EPS15L1: variants seen among roughly 807,000 people sequenced by gnomAD.
EPS15L1 encodes the protein epidermal growth factor receptor substrate 15-like 1.
In EPS15L1, 43 loss-of-function variants were observed where a neutral mutation model predicts 117.1. That is an observed-to-expected ratio of 0.37 (90% confidence interval 0.29 to 0.47). The LOEUF (loss-of-function observed/expected upper bound fraction) is 0.47. Among genes scored for constraint, EPS15L1 ranks in the 20% least tolerant of loss-of-function variants. The pLI, the probability that EPS15L1 is intolerant of heterozygous loss-of-function variation, is 0.99. For missense variants in EPS15L1, 981 were observed against 1,164.0 expected (o/e 0.84, Z 2.29); for synonymous variants, 459 against 470.5 (o/e 0.98, Z 0.32).
intron 1 of EPS15L1, among the ~76,000 whole-genome samples, chr19:16,456,323 A>G (rs968277329): frequency 1.1e-4 from 16 of 152,242 alleles, no homozygotes; most frequent in African/African-American, 3.9e-4. Flanking sequence ...AACTCGTGCT[A>G]AGAGGCAGCA....
chr19:16,372,417 A>G (rs919125822), intron 22 of EPS15L1, among the ~76,000 whole-genome samples: 2 of 152,220 alleles, frequency 1.3e-5, no homozygotes, highest in African/African-American at 4.8e-5. Flanking sequence ...AACACAAGAG[A>G]TGGCACCAAA....
chr19:16,408,445 G>A (rs2092677535), intron 13 of EPS15L1, among the ~76,000 whole-genome samples: 1 of 150,044 alleles, frequency 6.7e-6, no homozygotes, highest in African/African-American at 2.5e-5. Flanking sequence ...CTAACATGGT[G>A]AAACCCAGTA....
intron 9 of EPS15L1, among the ~76,000 whole-genome samples, chr19:16,421,677 T>C (rs2092815194): frequency 6.6e-6 from 1 of 152,166 alleles, no homozygotes; most frequent in Admixed American, 6.5e-5. Context: ...AGGCTGGCTC[T>C]GTGAAGCTCA....
At chr19:16,441,511 C>G (rs1479920096) in intron 3 of EPS15L1, 1 of 169,798 alleles carries the variant, frequency 5.9e-6, no homozygotes, top group Admixed American at 6.0e-5. Context: ...TGCCTGTAAT[C>G]CCAGCTATTC....
chr19:16,461,577 G>A (rs568677533), intron 1 of EPS15L1, among the ~76,000 whole-genome samples: 66 of 152,040 alleles, frequency 4.3e-4, no homozygotes, highest in African/African-American at 1.5e-3. Flanking sequence ...AGCTGAGATC[G>A]CGCCACTGCA....
At chr19:16,451,663 A>G (rs990574277) in intron 1 of EPS15L1, among the ~76,000 whole-genome samples, 1 of 151,514 alleles carries the variant, frequency 6.6e-6, no homozygotes, top group Admixed American at 6.6e-5. Context: ...CAAGTAGCTG[A>G]GACTACAGGT....
chr19:16,403,838 T>G lies in EPS15L1; in HGVS notation c.1521A>C (p.Arg507=). Residue 507 remains arginine (R), a synonymous_variant, in exon 15 of 24, where the codon CGA becomes CGC. Coordinates refer to ENST00000455140, the MANE Select transcript of EPS15L1 (RefSeq NM_001258374.3). ...CCAGCTGGGTTTCCTCCTGCTGCAA[T>G]CGGTTCAGCTCCGACTTGGCTCGGT... ...DLNRAKSELN[R]LQQEETQLEQ... 6.2e-7 allele frequency: 1 copy of G among 1,614,160 alleles called. No homozygotes were observed. The highest frequency in any genetic ancestry group is 8.5e-7 in the Non-Finnish European group (1 of 1,180,014).
chr19:16,437,388 A>G (rs2092988832), intron 5 of EPS15L1, among the ~76,000 whole-genome samples: 1 of 152,226 alleles, frequency 6.6e-6, no homozygotes, highest in Non-Finnish European at 1.5e-5. Flanking sequence ...GGCCAGACAC[A>G]AAAGACCATG....
At chr19:16,378,319 T>A (rs2092321553) in intron 21 of EPS15L1, among the ~76,000 whole-genome samples, 1 of 151,790 alleles carries the variant, frequency 6.6e-6, no homozygotes, top group African/African-American at 2.4e-5. Context: ...AAGTCACCCC[T>A]CCCCTCACAA....
rs1011651549 is a variant in EPS15L1, at chr19:16,405,386, G to C, written c.1267-637C>G. ...TGGTGGGGAGCCCGGTGGGATGTGT[G>C]AGTGTGGGAGGCGGGACATCATGAT... On this transcript the variant is annotated intron_variant, in intron 13 of 23. Coordinates refer to ENST00000455140, the MANE Select transcript of EPS15L1 (RefSeq NM_001258374.3). The surrounding 1 kb of genome is among the most constrained non-coding windows in gnomAD (Gnocchi z 4.0). Among the ~76,000 whole-genome samples, 3 of 152,170 alleles carry C rather than the reference G, an allele frequency of 2.0e-5. No individual in the cohort carries two copies. The highest frequency in any genetic ancestry group is 6.5e-5 in the Admixed American group (1 of 15,280).
chr19:16,370,287 T>TG lies in EPS15L1; in HGVS notation c.2380+6834dup, dbSNP rs1465005105. On this transcript the variant is annotated intron_variant, in intron 22 of 23. Transcript: ENST00000455140. This position sits in a 1 kb window ranked among gnomAD's most constrained non-coding sequence, Gnocchi z 5.2. ...GACTCAGGGCTTTGAATAGGAGAGA[T>TG]GAAAGATGAGGGGCCATGTTCACCC... Among the ~76,000 whole-genome samples, 1 of 151,822 alleles carries TG rather than the reference T, an allele frequency of 6.6e-6. No homozygotes were observed. Among genetic ancestry groups the TG allele is most frequent in the Non-Finnish European group, 1.5e-5 (1 of 67,940 alleles).
At chr19:16,442,324 T>C in intron 1 of EPS15L1, 105 bp from the exon 2 acceptor site, 3 of 808,730 alleles carry the variant, frequency 3.7e-6, no homozygotes, top group South Asian at 1.5e-5. Context: ...TGATGATAGT[T>C]AGAGTCAAAA....
chr19:16,427,561 C>T (rs866870114), intron 8 of EPS15L1, among the ~76,000 whole-genome samples: 2 of 152,166 alleles, frequency 1.3e-5, no homozygotes, highest in South Asian at 2.1e-4. Context: ...AACTTTCCTA[C>T]ATACAAAGAA....
At chr19:16,377,038 T>A (rs2144700433) in intron 22 of EPS15L1, 84 bp downstream of exon 22, 1 of 1,484,816 alleles carries the variant, frequency 6.7e-7, no homozygotes, top group Non-Finnish European at 9.0e-7. Flanking sequence ...CTGCTGCTAC[T>A]CTGGGCTGGT....
intron 21 of EPS15L1, among the ~76,000 whole-genome samples, chr19:16,378,321 C>G (rs2092321613): frequency 6.6e-6 from 1 of 152,110 alleles, no homozygotes; most frequent in African/African-American, 2.4e-5. Context: ...GTCACCCCTC[C>G]CCTCACAATG....
chr19:16,426,377 G>A (rs1486475478), intron 8 of EPS15L1, among the ~76,000 whole-genome samples: 1 of 152,204 alleles, frequency 6.6e-6, no homozygotes, highest in Non-Finnish European at 1.5e-5. Flanking sequence ...GCTCATGCCT[G>A]TAATCTCAGC....
chr19:16,408,983 A>G (rs1038698787), intron 13 of EPS15L1, among the ~76,000 whole-genome samples: 12 of 152,184 alleles, frequency 7.9e-5, no homozygotes, highest in African/African-American at 2.9e-4. Flanking sequence ...ACACTTTGAG[A>G]GGCCAGAGTG....
chr19:16,401,389 A>C, intron 16 of EPS15L1: 1 of 985,534 alleles, frequency 1.0e-6, no homozygotes, highest in Non-Finnish European at 1.2e-6. Context: ...GCTCACTCTT[A>C]TTCCAGGGAG....
chr19:16,456,956 A>G (rs36719), intron 1 of EPS15L1, among the ~76,000 whole-genome samples: 1 of 151,822 alleles, frequency 6.6e-6, no homozygotes, highest in Non-Finnish European at 1.5e-5. Context: ...CAAGCAGAAC[A>G]TGGGGAGGGG....
Sources: allele counts gnomAD v4.1 joint callset (sites outside exome capture counted in the v4.1 genomes callset), GRCh38; gene constraint gnomAD v4.1.1; non-coding constraint Gnocchi (gnomAD v3.1); transcripts MANE v1.5; gene names NCBI Gene and HGNC (gene_info 2026-07-23, HGNC 2026-07-21).